DOK6: variants seen among roughly 807,000 people sequenced by gnomAD.
The protein encoded by DOK6 is downstream of tyrosine kinase 6.
In DOK6, 22 loss-of-function variants were observed where a neutral mutation model predicts 44.0. The ratio of observed to expected loss-of-function variants is 0.50; its 90% confidence interval spans 0.36 to 0.71. The LOEUF is 0.71. Ranked by LOEUF, DOK6 falls within the 30% of genes least tolerant of loss-of-function variation. The pLI is 0.00. For missense variants in DOK6, 340 were observed against 416.4 expected, an observed-to-expected ratio of 0.82 and a Z score of 1.60; for synonymous variants, 166 against 145.5, an observed-to-expected ratio of 1.14 and a Z score of -1.01.
intron 3 of DOK6, among the ~76,000 whole-genome samples, chr18:69,603,714 T>C (rs1983928336): frequency 7.6e-6 from 1 of 131,138 alleles, no homozygotes; most frequent in Non-Finnish European, 1.5e-5. Context: ...GAGCTTGCAG[T>C]GAGCCGAGAT....
chr18:69,620,205 AT>A (rs1984408509), intron 3 of DOK6, among the ~76,000 whole-genome samples: 1 of 152,262 alleles, frequency 6.6e-6, no homozygotes, highest in African/African-American at 2.4e-5. Context: ...AGTAATATGT[AT>A]TTTTAAATTG....
At chr18:69,704,827 T>A (rs6566440) in intron 5 of DOK6, among the ~76,000 whole-genome samples, 1 of 151,946 alleles carries the variant, frequency 6.6e-6, no homozygotes, top group East Asian at 1.9e-4. Context: ...AAAGATGCTT[T>A]TTTTCCCCCC....
At chr18:69,516,951 G>A (rs1981544077) in intron 1 of DOK6, among the ~76,000 whole-genome samples, 1 of 151,742 alleles carries the variant, frequency 6.6e-6, no homozygotes, top group South Asian at 2.1e-4. Flanking sequence ...CAAAGTGCTG[G>A]GATTACAGGC....
intron 1 of DOK6, among the ~76,000 whole-genome samples, chr18:69,418,557 A>G (rs1978400299): frequency 6.6e-6 from 1 of 151,910 alleles, no homozygotes; most frequent in Non-Finnish European, 1.5e-5. Flanking sequence ...GAATTCCTGG[A>G]CTCAGGTGAT....
chr18:69,588,988 T>A lies in DOK6; in HGVS notation c.175-10396T>A, dbSNP rs549495512. On this transcript the variant is annotated intron_variant, in intron 2 of 7. Transcript: ENST00000382713. ...TGTCACAGGTAGCTTTAAGAATGAA[T>A]TAAATTGATTTCTTTTTTTGTACAC... Among the ~76,000 whole-genome samples, 6 of 152,134 alleles carry A rather than the reference T, an allele frequency of 3.9e-5. No individual in the cohort carries two copies. The South Asian group carries it at 1.2e-3, about 32-fold the overall frequency.
chr18:69,567,212 A>G (rs1006555431), intron 2 of DOK6, among the ~76,000 whole-genome samples: 2 of 152,200 alleles, frequency 1.3e-5, no homozygotes, highest in African/African-American at 4.8e-5. Context: ...GCACTGGGCC[A>G]TGCACTGGGG....
At chr18:69,671,523 T>A (rs1353352120) in intron 3 of DOK6, among the ~76,000 whole-genome samples, 1 of 152,208 alleles carries the variant, frequency 6.6e-6, no homozygotes, top group African/African-American at 2.4e-5. Flanking sequence ...ACCTTCAGGT[T>A]GCATAAATAT....
chr18:69,657,550 T>A (rs958413056), intron 3 of DOK6, among the ~76,000 whole-genome samples: 1 of 152,204 alleles, frequency 6.6e-6, no homozygotes, highest in Non-Finnish European at 1.5e-5. Context: ...AAAAGTTGAT[T>A]GATACAGAAA....
intron 1 of DOK6, among the ~76,000 whole-genome samples, chr18:69,465,641 A>AT (rs1250083451): frequency 6.6e-6 from 1 of 150,974 alleles, no homozygotes; most frequent in Admixed American, 6.6e-5. Context: ...TGAACTCATC[A>AT]TTTTTTATGG....
Position 69,724,010 on chromosome 18 carries a change from G to A in DOK6, c.600-14955G>A, listed in dbSNP as rs557016338. On this transcript the variant is annotated intron_variant, in intron 5 of 7. Transcript: ENST00000382713. The stretch of plus-strand genomic sequence containing the variant: ...GTCTCAAAACCTTTACTTCTTTCTT[G>A]GCATAATATTAATTGAAAAGAAACA... Among the ~76,000 whole-genome samples, 61 of 152,158 alleles carry A rather than the reference G, an allele frequency of 4.0e-4. 1 individual carries two copies. In the South Asian group the frequency reaches 8.9e-3, roughly 22 times the overall value.
At chr18:69,445,533 T>TG (rs928148999) in intron 1 of DOK6, among the ~76,000 whole-genome samples, 43 of 151,956 alleles carry the variant, frequency 2.8e-4, no homozygotes, top group South Asian at 2.3e-3. Flanking sequence ...ATGCTTTTTT[T>TG]GGGGGGGGAT....
At chr18:69,722,266 T>G (rs995869484) in intron 5 of DOK6, among the ~76,000 whole-genome samples, 1 of 152,216 alleles carries the variant, frequency 6.6e-6, no homozygotes, top group Non-Finnish European at 1.5e-5. Context: ...AGAGAGGGTA[T>G]TATCCCAGTA....
intron 7 of DOK6, among the ~76,000 whole-genome samples, chr18:69,783,825 T>C (rs546702875): frequency 1.3e-5 from 2 of 152,320 alleles, no homozygotes; most frequent in African/African-American, 4.8e-5. Context: ...TTTCAAAAAG[T>C]ATAAAATTTT....
chr18:69,774,149 T>TGAG (rs370449720), intron 7 of DOK6, among the ~76,000 whole-genome samples: 13 of 132,958 alleles, frequency 9.8e-5, no homozygotes, highest in Admixed American at 1.5e-4. Flanking sequence ...TATATATATA[T>TGAG]ATATATAATG....
intron 3 of DOK6, among the ~76,000 whole-genome samples, chr18:69,600,902 T>G (rs1390439083): frequency 1.3e-5 from 2 of 152,218 alleles, no homozygotes; most frequent in Non-Finnish European, 2.9e-5. Flanking sequence ...ACTTAATCAT[T>G]CAATATATTG....
At chr18:69,774,272 A>C (rs574698264) in intron 7 of DOK6, among the ~76,000 whole-genome samples, 33 of 151,180 alleles carry the variant, frequency 2.2e-4, no homozygotes, top group Non-Finnish European at 4.4e-4. Context: ...ACCAAACATC[A>C]TATGTTCTCA....
chr18:69,604,301 G>C (rs1983945221), intron 3 of DOK6, among the ~76,000 whole-genome samples: 1 of 152,128 alleles, frequency 6.6e-6, no homozygotes, highest in Non-Finnish European at 1.5e-5. Flanking sequence ...TCTCATGTCT[G>C]AATTTCACAC....
At chr18:69,425,906 C>T (rs780203845) in intron 1 of DOK6, among the ~76,000 whole-genome samples, 10 of 152,032 alleles carry the variant, frequency 6.6e-5, no homozygotes, top group African/African-American at 1.7e-4. Flanking sequence ...GCTAGATATA[C>T]GTATTCATAT....
intron 6 of DOK6, among the ~76,000 whole-genome samples, chr18:69,754,615 A>C (rs192658736): frequency 8.5e-5 from 13 of 152,188 alleles, no homozygotes; most frequent in Non-Finnish European, 1.8e-4. Flanking sequence ...TGGAAGTGCA[A>C]AAACCAATAT....
Sources: allele counts gnomAD v4.1 joint callset (sites outside exome capture counted in the v4.1 genomes callset), GRCh38; gene constraint gnomAD v4.1.1; transcripts MANE v1.5; gene names NCBI Gene and HGNC (gene_info 2026-07-23, HGNC 2026-07-21).